ADGRL2: variants seen among roughly 807,000 people sequenced by gnomAD.
ADGRL2 encodes the protein calcium-independent alpha-latrotoxin receptor 2.
A neutral mutation model predicts 157.4 loss-of-function variants in ADGRL2; 44 were observed. That is an observed-to-expected ratio of 0.28 (90% CI 0.22 to 0.36). The LOEUF (loss-of-function observed/expected upper bound fraction) is 0.36. Ranked by LOEUF, ADGRL2 falls within the 10% of genes least tolerant of loss-of-function variation. The pLI, the probability that ADGRL2 is intolerant of heterozygous loss-of-function variation, is 1.00. For missense variants in ADGRL2, 1,510 were observed against 1,768.9 expected, an observed-to-expected ratio of 0.85 and a Z score of 2.63; for synonymous variants, 585 against 624.7, an observed-to-expected ratio of 0.94 and a Z score of 0.95.
chr1:81,557,482 G>GAAAGAAAGAAAA (rs370696204), intron 2 of ADGRL2: 1 of 119,968 alleles, frequency 8.3e-6, no homozygotes. Flanking sequence ...AAGAAAGAAA[G>GAAAGAAAGAAAA]AAGAAAGAAA....
At chr1:81,695,291 A>G (rs1303365882), upstream of ADGRL2, among the ~76,000 whole-genome samples, 1 of 149,858 alleles carries the variant, frequency 6.7e-6, no homozygotes, top group Non-Finnish European at 1.5e-5. Context: ...TTAATAAATC[A>G]TAAATATATT....
intron 3 of ADGRL2, among the ~76,000 whole-genome samples, chr1:81,908,460 A>C (rs1009142605): frequency 6.6e-6 from 1 of 152,188 alleles, no homozygotes; most frequent in Non-Finnish European, 1.5e-5. Flanking sequence ...AATAATATTC[A>C]TTGTCTGGAT....
chr1:81,502,561 G>A (rs2078877253), intron 2 of ADGRL2: 2 of 1,614,062 alleles, frequency 1.2e-6, no homozygotes, highest in Non-Finnish European at 1.7e-6. Flanking sequence ...CCGAGAAGGG[G>A]GGCCTGGTGG....
chr1:81,319,364 C>A (rs894443804), intron 1 of ADGRL2, among the ~76,000 whole-genome samples: 2 of 152,298 alleles, frequency 1.3e-5, no homozygotes, highest in Admixed American at 1.3e-4. Context: ...TATTCCATGT[C>A]CTGCTGTGGC....
chr1:81,559,957 C>G (rs1352674748), intron 2 of ADGRL2, among the ~76,000 whole-genome samples: 1 of 152,172 alleles, frequency 6.6e-6, no homozygotes, highest in African/African-American at 2.4e-5. Flanking sequence ...GACAGTTTTT[C>G]AGCAATAGCA....
intron 2 of ADGRL2, among the ~76,000 whole-genome samples, chr1:81,776,154 T>G (rs1327207425): frequency 6.6e-6 from 1 of 152,008 alleles, no homozygotes; most frequent in Non-Finnish European, 1.5e-5. Context: ...AGTGGTTGTG[T>G]TTTTAAATGG....
chr1:81,969,472 G>A (rs773448207), intron 15 of ADGRL2, 85 bp downstream of exon 15: 21 of 842,062 alleles, frequency 2.5e-5, no homozygotes, highest in Non-Finnish European at 3.6e-5. Context: ...TGATATTAAT[G>A]TTTGACCTTG....
At chr1:81,652,737 G>A (rs966234830) in intron 3 of ADGRL2, among the ~76,000 whole-genome samples, 32 of 152,184 alleles carry the variant, frequency 2.1e-4, no homozygotes, top group African/African-American at 7.2e-4. Flanking sequence ...ATTTATGATA[G>A]TATACTATTG....
At chr1:81,712,763 T>A (rs891614990) in intron 1 of ADGRL2, among the ~76,000 whole-genome samples, 2 of 146,306 alleles carry the variant, frequency 1.4e-5, no homozygotes, top group African/African-American at 5.1e-5. Context: ...GGATTTTTTT[T>A]TTTTTTTTTT....
chr1:81,900,693 A>G (rs1163206562), intron 2 of ADGRL2, among the ~76,000 whole-genome samples: 1 of 152,214 alleles, frequency 6.6e-6, no homozygotes, highest in Non-Finnish European at 1.5e-5. Flanking sequence ...AGCTAAACAC[A>G]TGTACAGAGG....
chr1:81,368,514 C>T (rs2076106062), intron 1 of ADGRL2, among the ~76,000 whole-genome samples: 1 of 152,160 alleles, frequency 6.6e-6, no homozygotes, highest in Non-Finnish European at 1.5e-5. Context: ...TTCATATTTG[C>T]CATGTATCTG....
chr1:81,930,619 A>G (rs540040121), intron 3 of ADGRL2, among the ~76,000 whole-genome samples: 5 of 152,356 alleles, frequency 3.3e-5, no homozygotes, highest in Admixed American at 3.3e-4. Flanking sequence ...AGCCTGGGCA[A>G]TATCACCAAC....
intron 3 of ADGRL2, among the ~76,000 whole-genome samples, chr1:81,928,329 G>T (rs891631520): frequency 6.6e-6 from 1 of 152,070 alleles, no homozygotes; most frequent in Non-Finnish European, 1.5e-5. Context: ...CTGAGAATCA[G>T]GTACGGCTGA....
At chr1:81,971,800 T>C (rs1283026727) in intron 16 of ADGRL2, 52 bp from the exon 17 acceptor site, 1 of 925,218 alleles carries the variant, frequency 1.1e-6, no homozygotes, top group Non-Finnish European at 1.7e-6. Context: ...TTCCTTGTGA[T>C]GTTGAGGTTC....
At chr1:81,813,348 G>C (rs901265341) in intron 1 of ADGRL2, among the ~76,000 whole-genome samples, 1 of 151,512 alleles carries the variant, frequency 6.6e-6, no homozygotes, top group South Asian at 2.1e-4. Flanking sequence ...AAAAAGCTTC[G>C]TTTCTTAATG....
intron 1 of ADGRL2, among the ~76,000 whole-genome samples, chr1:81,418,859 C>T (rs1490280221): frequency 3.3e-5 from 5 of 152,264 alleles, no homozygotes; most frequent in African/African-American, 9.6e-5. Flanking sequence ...CTAACCAAAT[C>T]CATGTTAAAA....
intron 2 of ADGRL2, among the ~76,000 whole-genome samples, chr1:81,868,280 T>C (rs2093603420): frequency 1.3e-5 from 2 of 152,078 alleles, no homozygotes; most frequent in Admixed American, 1.3e-4. Context: ...AAATTACAAA[T>C]AGGGTATGTT....
chr1:81,823,301 C>G (rs116153296), intron 1 of ADGRL2, among the ~76,000 whole-genome samples: 2,665 of 151,168 alleles, frequency 0.018, 74 homozygotes, highest in African/African-American at 0.061. Context: ...CTCCCTTCCT[C>G]TCTCCTTCCC....
At chr1:81,883,570 A>G (rs1025941372) in intron 2 of ADGRL2, among the ~76,000 whole-genome samples, 1 of 152,190 alleles carries the variant, frequency 6.6e-6, no homozygotes, top group Admixed American at 6.5e-5. Context: ...AATAAATTTC[A>G]TACCATGAGA....
Sources: gnomAD v4.1 joint callset for allele counts (sites outside exome capture counted in the v4.1 genomes callset) on GRCh38, gnomAD v4.1.1 for gene constraint, MANE v1.5 for transcripts, NCBI Gene and HGNC (gene_info 2026-07-23, HGNC 2026-07-21) for gene names.